CNTNAP5: variants seen among roughly 807,000 people sequenced by gnomAD.
CNTNAP5 encodes contactin-associated protein-like 5.
Under a neutral mutation model 150.2 loss-of-function variants are expected in CNTNAP5, and 72 were observed. The ratio of observed to expected loss-of-function variants is 0.48; its 90% CI spans 0.40 to 0.58. The LOEUF (loss-of-function observed/expected upper bound fraction) is 0.58. Among genes scored for constraint, CNTNAP5 ranks in the 20% least tolerant of loss-of-function variants. The probability of loss-of-function intolerance (pLI) is 0.00; values close to 1 mark genes in which losing one functional copy is unlikely to be tolerated. For synonymous variants in CNTNAP5, 672 were observed against 619.8 expected, an observed-to-expected ratio of 1.08 and a Z score of -1.25; for missense variants, 1,636 against 1,626.2, an observed-to-expected ratio of 1.01 and a Z score of -0.10.
chr2:124,148,439 G>GT (rs35367308), intron 1 of CNTNAP5, among the ~76,000 whole-genome samples: 20,131 of 148,738 alleles, frequency 0.14, 1,452 homozygotes, highest in Middle Eastern at 0.23. Flanking sequence ...GTTTCCTGCC[G>GT]TATCGTCATG....
intron 8 of CNTNAP5, among the ~76,000 whole-genome samples, chr2:124,508,020 A>G (rs909500634): frequency 2.0e-5 from 3 of 152,194 alleles, no homozygotes; most frequent in Non-Finnish European, 2.9e-5. Flanking sequence ...AGGGGATGAC[A>G]TCAGGACTTG....
chr2:124,496,437 G>T (rs1237626213), intron 7 of CNTNAP5, among the ~76,000 whole-genome samples: 1 of 152,128 alleles, frequency 6.6e-6, no homozygotes, highest in Non-Finnish European at 1.5e-5. Flanking sequence ...TGCTTGATTG[G>T]CTTTGTTTGA....
At chr2:124,636,650 GTGTC>G (rs984091569) in intron 12 of CNTNAP5, among the ~76,000 whole-genome samples, 24 of 149,310 alleles carry the variant, frequency 1.6e-4, no homozygotes, top group South Asian at 4.2e-4. Context: ...CTGTGTGTGT[GTGTC>G]TGTGTGTGTC....
chr2:124,088,410 T>G lies in CNTNAP5; in HGVS notation c.82+62678T>G, dbSNP rs182590684. ...TTTTATCATGGTTGTTTTTAAATTT[T>G]TGTCAGCTTATTCTATCTTTCATTT... On this transcript the variant is annotated intron_variant, in intron 1 of 23. Transcript: ENST00000682447. 5.9e-5 allele frequency among the ~76,000 whole-genome samples: 9 copies of G among 152,308 alleles called. No individual in the cohort carries two copies. The East Asian group carries it at 1.5e-3, about 26-fold the overall frequency.
At chr2:124,401,976 T>C (rs1002752361) in intron 3 of CNTNAP5, among the ~76,000 whole-genome samples, 1 of 152,174 alleles carries the variant, frequency 6.6e-6, no homozygotes, top group African/African-American at 2.4e-5. Flanking sequence ...TAACTTCTGC[T>C]GACAAGTTCT....
intron 13 of CNTNAP5, among the ~76,000 whole-genome samples, chr2:124,730,579 T>C (rs1276096733): frequency 6.6e-6 from 1 of 152,068 alleles, no homozygotes; most frequent in Non-Finnish European, 1.5e-5. Context: ...GCCAATGTTT[T>C]CAGTATTTTT....
At chr2:124,410,407 C>T (rs1456117385) in intron 3 of CNTNAP5, among the ~76,000 whole-genome samples, 2 of 151,516 alleles carry the variant, frequency 1.3e-5, no homozygotes, top group African/African-American at 4.8e-5. Context: ...ACTCTCCACC[C>T]CAAATCAACA....
At chr2:124,130,905 T>C (rs1683828620) in intron 1 of CNTNAP5, among the ~76,000 whole-genome samples, 1 of 152,134 alleles carries the variant, frequency 6.6e-6, no homozygotes, top group African/African-American at 2.4e-5. Flanking sequence ...ATTTGTATGC[T>C]TTTCCTCTCT....
intron 3 of CNTNAP5, among the ~76,000 whole-genome samples, chr2:124,403,032 G>A (rs1365260802): frequency 1.3e-5 from 2 of 152,104 alleles, no homozygotes; most frequent in African/African-American, 2.4e-5. Flanking sequence ...ATTACCCTTT[G>A]CCTTATTAAA....
intron 13 of CNTNAP5, among the ~76,000 whole-genome samples, chr2:124,713,293 CTT>C (rs1254923900): frequency 7.8e-4 from 77 of 99,050 alleles, no homozygotes; most frequent in Admixed American, 2.2e-3. Flanking sequence ...TTCTTTCTTT[CTT>C]TCTTTCTTCT....
chr2:124,410,509 C>A (rs1278679034), intron 3 of CNTNAP5, among the ~76,000 whole-genome samples: 1 of 143,706 alleles, frequency 7.0e-6, no homozygotes, highest in African/African-American at 2.5e-5. Flanking sequence ...TGTAAAAGAA[C>A]AGAGATTATA....
At chr2:124,153,027 A>C (rs1321428606) in intron 1 of CNTNAP5, among the ~76,000 whole-genome samples, 1 of 152,162 alleles carries the variant, frequency 6.6e-6, no homozygotes, top group Non-Finnish European at 1.5e-5. Flanking sequence ...GGAGTGATTA[A>C]CCAACCTAAA....
chr2:124,904,913 G>A (rs1449312520), intron 22 of CNTNAP5, among the ~76,000 whole-genome samples: 1 of 150,870 alleles, frequency 6.6e-6, no homozygotes, highest in Non-Finnish European at 1.5e-5. Context: ...CCTCTGTACA[G>A]CAAAGGACAC....
At chr2:124,060,955 AT>A (rs1375128094) in intron 1 of CNTNAP5, among the ~76,000 whole-genome samples, 1 of 152,118 alleles carries the variant, frequency 6.6e-6, no homozygotes, top group Non-Finnish European at 1.5e-5. Flanking sequence ...AGCCAATGTC[AT>A]TTAAGTCTGT....
chr2:124,846,197 A>G (rs1180850815), intron 19 of CNTNAP5, among the ~76,000 whole-genome samples: 4 of 152,040 alleles, frequency 2.6e-5, no homozygotes, highest in Non-Finnish European at 5.9e-5. Context: ...AGGTTTTGAT[A>G]GATATTGTCA....
At chr2:124,767,848 G>A (rs1185676935) in intron 16 of CNTNAP5, among the ~76,000 whole-genome samples, 2 of 152,166 alleles carry the variant, frequency 1.3e-5, no homozygotes, top group African/African-American at 2.4e-5. Context: ...TGTTATGAAT[G>A]TTGAATGTCT....
chr2:124,532,802 C>T (rs1012610353), intron 10 of CNTNAP5, among the ~76,000 whole-genome samples: 1 of 152,084 alleles, frequency 6.6e-6, no homozygotes, highest in Non-Finnish European at 1.5e-5. Flanking sequence ...TGAGAGAGTG[C>T]GAGAAAAATG....
intron 10 of CNTNAP5, among the ~76,000 whole-genome samples, chr2:124,527,717 A>G (rs890337960): frequency 6.6e-5 from 10 of 152,336 alleles, no homozygotes; most frequent in African/African-American, 2.4e-4. Flanking sequence ...AAAGGATTAA[A>G]ATTTTATGCA....
intron 3 of CNTNAP5, among the ~76,000 whole-genome samples, chr2:124,335,927 C>T (rs1689455959): frequency 6.6e-6 from 1 of 151,842 alleles, no homozygotes; most frequent in Non-Finnish European, 1.5e-5. Context: ...ATGATTAATA[C>T]AAGAAAGGAC....
Sources: allele counts gnomAD v4.1 joint callset (sites outside exome capture counted in the v4.1 genomes callset), GRCh38; gene constraint gnomAD v4.1.1; transcripts MANE v1.5; gene names NCBI Gene and HGNC (gene_info 2026-07-23, HGNC 2026-07-21).